The following PPA1 variants were observed in gnomAD, a reference collection of about 807,000 sequenced individuals.
PPA1 encodes inorganic pyrophosphatase.
A neutral mutation model predicts 41.8 loss-of-function variants in PPA1; 23 were observed. The ratio of observed to expected loss-of-function variants is 0.55; its 90% CI spans 0.40 to 0.78. The LOEUF (loss-of-function observed/expected upper bound fraction) is 0.78, where lower values mean the gene tolerates loss of function less well. PPA1 is among the 30% of genes least tolerant of loss of function. The pLI is 0.00. For synonymous variants in PPA1, 101 were observed against 116.8 expected, an observed-to-expected ratio of 0.86 and a Z score of 0.87; for missense variants, 320 against 361.6, an observed-to-expected ratio of 0.89 and a Z score of 0.93.
chr10:70,213,267 T>C (rs1458875519), intron 6 of PPA1, among the ~76,000 whole-genome samples, 196 bp downstream of exon 6: 1 of 152,208 alleles, frequency 6.6e-6, no homozygotes, highest in Non-Finnish European at 1.5e-5. Context: ...ACCAGATTTT[T>C]TCTTTCCTGG....
intron 2 of PPA1, among the ~76,000 whole-genome samples, chr10:70,221,593 T>C (rs1840169570): frequency 1.3e-5 from 2 of 152,180 alleles, no homozygotes; most frequent in African/African-American, 4.8e-5. Flanking sequence ...CCTTGTCCAC[T>C]AGGTTTTCAA....
intron 6 of PPA1, chr10:70,210,428 T>C: frequency 7.3e-7 from 1 of 1,363,900 alleles, no homozygotes. Flanking sequence ...TACTAAAAGA[T>C]AAGAAAAATA....
chr10:70,230,529 T>C, intron 1 of PPA1, 130 bp from the exon 2 acceptor site: 1 of 895,950 alleles, frequency 1.1e-6, no homozygotes, highest in Non-Finnish European at 1.6e-6. Context: ...TGGTGTGATC[T>C]TGGCTCACTG....
intron 8 of PPA1, 89 bp from the exon 9 acceptor site, chr10:70,206,422 G>A (rs1839939392): frequency 2.2e-6 from 2 of 925,562 alleles, no homozygotes. Flanking sequence ...GGTTGACCAG[G>A]TGATATTCAA....
intron 4 of PPA1, among the ~76,000 whole-genome samples, chr10:70,216,869 C>T (rs1840086844): frequency 6.6e-6 from 1 of 152,178 alleles, no homozygotes. Context: ...AACAACCCTT[C>T]TCAAAAGGTT....
chr10:70,221,176 T>C lies in PPA1; in HGVS notation c.124-2359A>G, dbSNP rs187471351. On this transcript the variant is annotated intron_variant, in intron 2 of 10. Coordinates refer to ENST00000373232, the MANE Select transcript of PPA1 (RefSeq NM_021129.4). ...TTAACTTAAAATGAAAATCACTTGG[T>C]TACACCACTCTTTAGAATTACTTCT... Among the ~76,000 whole-genome samples, 68 of 141,388 alleles carry C rather than the reference T, an allele frequency of 4.8e-4. No individual in the cohort carries two copies. The East Asian group carries it at 0.014, about 29-fold the overall frequency. 92.8% of individuals were successfully genotyped at this position (141,388 alleles called of 152,430 possible).
chr10:70,228,299 G>A (rs1840254337), intron 2 of PPA1, among the ~76,000 whole-genome samples: 2 of 152,216 alleles, frequency 1.3e-5, no homozygotes, highest in Non-Finnish European at 2.9e-5. Context: ...GGAGTAACCT[G>A]AAGCAGCAAT....
Position 70,203,159 on chromosome 10 carries a change from T to C in PPA1, c.866A>G (p.Asn289Ser). The change falls in exon 11 of 11, where the codon AAC becomes AGC. Residue 289 changes from asparagine to serine, a missense_variant. Transcript: ENST00000373232. ...DVDKWFHHQKN is the reference protein window; with the variant it reads ...DVDKWFHHQKS ...TTGTATTCCAGAGAAATCTCATTAG[T>C]TTTTCTGGTGATGGAACCACTTATC... 1 of 1,608,770 alleles carries C rather than the reference T, an allele frequency of 6.2e-7. No homozygotes were observed. Among genetic ancestry groups the C allele is most frequent in the East Asian group, 2.2e-5 (1 of 44,770 alleles).
chr10:70,216,986 T>C (rs930168374), intron 4 of PPA1, among the ~76,000 whole-genome samples: 3 of 151,986 alleles, frequency 2.0e-5, no homozygotes, highest in African/African-American at 7.2e-5. Context: ...GCTAACACAG[T>C]GAACCCCGTC....
At position 70,226,506 on chromosome 10, in the gene PPA1, C is replaced by T. The variant is rs183643514; in HGVS notation, c.123+3835G>A. On this transcript the variant is annotated intron_variant, in intron 2 of 10. Transcript: ENST00000373232. ...CCCAGGAGATGGAGCCTGCAGTGAGCCAAGATCACAGCACTGCATGGGTGA... is the reference window on the plus strand; with the variant it reads ...CCCAGGAGATGGAGCCTGCAGTGAGTCAAGATCACAGCACTGCATGGGTGA... 4.6e-5 allele frequency among the ~76,000 whole-genome samples: 7 copies of T among 151,364 alleles called. No homozygotes were observed. The East Asian group carries it at 9.7e-4, about 21-fold the overall frequency.
chr10:70,228,721 G>A (rs147750882), intron 2 of PPA1, among the ~76,000 whole-genome samples: 52 of 152,260 alleles, frequency 3.4e-4, no homozygotes, highest in African/African-American at 1.2e-3. Context: ...ATTGGCCTAG[G>A]GCTGTTTGCT....
In PPA1 at chr10:70,209,210, G is replaced by C. The variant is rs763976775; in HGVS notation, c.720C>G (p.Ile240Met). ...TGCAAAGTGTTTACACTTACCAACT[G>C]ATTCCTTTTCCATTCGTTTTCTTAG... ...LVTKKTNGKGISCMNTTLSES... is the reference protein window; with the variant it reads ...LVTKKTNGKGMSCMNTTLSES... Residue 240 changes from isoleucine to methionine, a missense_variant, in exon 8 of 11, where the codon ATC becomes ATG. Ile to Met is a conservative substitution (Grantham distance 10, BLOSUM62 1). Transcript: ENST00000373232. 6.3e-7 allele frequency: 1 copy of C among 1,588,038 alleles called. No individual in the cohort carries two copies. The highest frequency in any genetic ancestry group is 2.2e-5 in the East Asian group (1 of 44,750).
chr10:70,210,952 G>C (rs543234574), intron 6 of PPA1, among the ~76,000 whole-genome samples: 2 of 152,176 alleles, frequency 1.3e-5, no homozygotes, highest in South Asian at 2.1e-4. Flanking sequence ...ATTTTTAGTA[G>C]AGATGGGGTT....
At chr10:70,214,608 T>C (rs369580913) in intron 4 of PPA1, 22 bp from the exon 5 acceptor site, 1 of 1,564,180 alleles carries the variant, frequency 6.4e-7, no homozygotes, top group African/African-American at 1.4e-5. Flanking sequence ...AGACAGTGTA[T>C]ATCATTCCTA....
chr10:70,232,084 G>A (rs371143287), intron 1 of PPA1, among the ~76,000 whole-genome samples: 4 of 152,164 alleles, frequency 2.6e-5, no homozygotes, highest in African/African-American at 7.2e-5. Flanking sequence ...GGAGAGTGGG[G>A]GGTAGTTCTC....
intron 4 of PPA1, among the ~76,000 whole-genome samples, chr10:70,215,291 T>C (rs896739146): frequency 6.6e-6 from 1 of 152,176 alleles, no homozygotes; most frequent in African/African-American, 2.4e-5. Context: ...GGTCTCACTA[T>C]GTTGCCCAGG....
intron 10 of PPA1, 98 bp from the exon 11 acceptor site, chr10:70,203,284 C>T: frequency 1.9e-6 from 2 of 1,071,822 alleles, no homozygotes; most frequent in Non-Finnish European, 2.8e-6. Flanking sequence ...TTTAATGAAT[C>T]CTACTATGAA....
At chr10:70,230,280 T>C (rs1840275850) in intron 2 of PPA1, 61 bp downstream of exon 2, 7 of 1,563,118 alleles carry the variant, frequency 4.5e-6, no homozygotes, top group Non-Finnish European at 6.1e-6. Context: ...ATAAGAAAAT[T>C]CATATGTAGA....
intron 6 of PPA1, among the ~76,000 whole-genome samples, chr10:70,211,353 G>A (rs1209556931): frequency 1.3e-5 from 2 of 152,122 alleles, no homozygotes; most frequent in Non-Finnish European, 2.9e-5. Flanking sequence ...CTATCTACCT[G>A]GAGTTAGCAT....
Sources: allele counts gnomAD v4.1 joint callset (sites outside exome capture counted in the v4.1 genomes callset), GRCh38; gene constraint gnomAD v4.1.1; transcripts MANE v1.5; gene names NCBI Gene and HGNC (gene_info 2026-07-23, HGNC 2026-07-21).